Variants in CNPY1 observed in about 807,000 individuals in gnomAD.
CNPY1 encodes the protein protein canopy homolog 1.
A neutral mutation model predicts 14.4 loss-of-function variants in CNPY1; 14 were observed. That is an observed-to-expected ratio of 0.97 (90% CI 0.64 to 1.52). The LOEUF is 1.52. Among genes scored for constraint, CNPY1 ranks in the 40% most tolerant of loss-of-function variants. The pLI is 0.00. For synonymous variants in CNPY1, 43 were observed against 46.5 expected (o/e 0.92, Z 0.31); for missense variants, 129 against 131.5 (o/e 0.98, Z 0.09).
At chr7:155,526,167 AT>A (rs1318636523) in intron 2 of CNPY1, among the ~76,000 whole-genome samples, 1 of 152,176 alleles carries the variant, frequency 6.6e-6, no homozygotes, top group East Asian at 1.9e-4. Flanking sequence ...CTGATATCTT[AT>A]TTTTCCACAA....
chr7:155,540,323 TCTC>T (rs1797070011), intron 2 of CNPY1, among the ~76,000 whole-genome samples: 2 of 152,194 alleles, frequency 1.3e-5, no homozygotes, highest in Non-Finnish European at 2.9e-5. Flanking sequence ...GGGGTCTCGT[TCTC>T]CTCATCTTAG....
At chr7:155,539,685 C>T (rs1036921523) in intron 2 of CNPY1, among the ~76,000 whole-genome samples, 3 of 152,050 alleles carry the variant, frequency 2.0e-5, no homozygotes, top group Middle Eastern at 3.2e-3. Context: ...AACAGATTAA[C>T]GGGGGGAAAA....
intron 2 of CNPY1, among the ~76,000 whole-genome samples, chr7:155,530,390 C>A (rs1025859215): frequency 6.9e-6 from 1 of 144,202 alleles, no homozygotes; most frequent in Non-Finnish European, 1.5e-5. Context: ...GCCTTAAACT[C>A]CTGGGCCTAA....
chr7:155,519,562 TAAGA>T lies in CNPY1; in HGVS notation c.100-10469_100-10466del, dbSNP rs201581194. Among the ~76,000 whole-genome samples, 271 of 136,502 alleles carry T rather than the reference TAAGA, an allele frequency of 2.0e-3. 2 individuals carry two copies. The highest frequency in any genetic ancestry group is 7.6e-3 in the African/African-American group (224 of 29,610). 89.6% of individuals were successfully genotyped at this position (136,502 alleles called of 152,430 possible). Reference sequence around the variant, plus strand: ...ATAAATAAATAAATAAATAAATAAATAAGAAAGAAAGAAGAAAAATGGGTGCAAA... The same window carrying T: ...ATAAATAAATAAATAAATAAATAAATAAGAAAGAAGAAAAATGGGTGCAAA... On this transcript the variant is annotated intron_variant, in intron 2 of 4. Transcript: ENST00000636446.
chr7:155,526,394 A>G (rs141754803), intron 2 of CNPY1, among the ~76,000 whole-genome samples: 2 of 152,180 alleles, frequency 1.3e-5, no homozygotes, highest in Non-Finnish European at 2.9e-5. Context: ...GACATTCTCA[A>G]ACAAGACGGG....
intron 2 of CNPY1, among the ~76,000 whole-genome samples, chr7:155,519,772 T>G (rs1244081834): frequency 1.3e-5 from 2 of 152,172 alleles, no homozygotes; most frequent in Non-Finnish European, 2.9e-5. Context: ...TCCTGACAAA[T>G]CAAAGTGTCT....
At chr7:155,521,156 C>T (rs1252758102) in intron 2 of CNPY1, among the ~76,000 whole-genome samples, 1 of 152,136 alleles carries the variant, frequency 6.6e-6, no homozygotes, top group Non-Finnish European at 1.5e-5. Context: ...ATCTTAGTCC[C>T]GTATTCTTCC....
intron 2 of CNPY1, among the ~76,000 whole-genome samples, chr7:155,520,428 C>CTTTTT (rs71522007): frequency 4.0e-4 from 28 of 69,408 alleles, no homozygotes; most frequent in African/African-American, 5.0e-4. Context: ...TTCTTTCTTT[C>CTTTTT]TTTTTTTTTT....
Position 155,509,074 on chromosome 7 carries a change from C to G in CNPY1, c.123G>C (p.Ala41=). ...RRKIPLAQSE[A]FLTDLLEKVC... The stretch of plus-strand genomic sequence containing the variant: ...CTTTCTCCAAAAGATCCGTTAGGAA[C>G]GCCTCCGACTGAGCTAGGGGGATCT... Residue 41 remains alanine, a synonymous_variant, in exon 3 of 5, where the codon GCG becomes GCC. Coordinates refer to ENST00000636446, the MANE Select transcript of CNPY1 (RefSeq NM_001393663.1). 1 of 1,601,852 alleles carries G rather than the reference C, an allele frequency of 6.2e-7. No homozygotes were observed. Among genetic ancestry groups the G allele is most frequent in the South Asian group, 1.1e-5 (1 of 88,542 alleles).
intron 2 of CNPY1, among the ~76,000 whole-genome samples, chr7:155,516,752 C>T (rs1162056082): frequency 6.6e-6 from 1 of 152,170 alleles, no homozygotes; most frequent in African/African-American, 2.4e-5. Context: ...GTGCCATCCC[C>T]AGGAATGTCC....
intron 2 of CNPY1, among the ~76,000 whole-genome samples, chr7:155,530,380 G>A (rs568680629): frequency 1.5e-5 from 2 of 131,794 alleles, no homozygotes; most frequent in East Asian, 2.4e-4. Context: ...GCTCACTATC[G>A]CCTTAAACTC....
chr7:155,545,990 G>A, intron 1 of CNPY1, 47 bp from the exon 2 acceptor site: 1 of 398,584 alleles, frequency 2.5e-6, no homozygotes, highest in African/African-American at 2.1e-5. Flanking sequence ...AGGCGAGCCA[G>A]AGCCGGGCCT....
intron 4 of CNPY1, among the ~76,000 whole-genome samples, chr7:155,506,323 C>T (rs1270184022): frequency 6.6e-6 from 1 of 152,168 alleles, no homozygotes; most frequent in East Asian, 1.9e-4. Context: ...AAACAAGCAT[C>T]CAAGTTAGGG....
intron 2 of CNPY1, among the ~76,000 whole-genome samples, chr7:155,538,572 G>T (rs1797050058): frequency 6.6e-6 from 1 of 152,138 alleles, no homozygotes; most frequent in African/African-American, 2.4e-5. Flanking sequence ...CTTGGGTCTG[G>T]ATTGATCTGA....
At chr7:155,544,849 G>C (rs185249380) in intron 2 of CNPY1, among the ~76,000 whole-genome samples, 163 of 152,312 alleles carry the variant, frequency 1.1e-3, no homozygotes, top group African/African-American at 3.7e-3. Flanking sequence ...ACCCCTGAGA[G>C]CCCAGCCCTC....
chr7:155,506,488 G>GA (rs1796312957), intron 4 of CNPY1: 1 of 153,952 alleles, frequency 6.5e-6, no homozygotes, highest in Non-Finnish European at 1.4e-5. Flanking sequence ...CTCTGAGCCA[G>GA]AAAAAAATTT....
chr7:155,517,259 C>T lies in CNPY1; in HGVS notation c.100-8162G>A, dbSNP rs77218008. On this transcript the variant is annotated intron_variant, in intron 2 of 4. Coordinates refer to ENST00000636446, the MANE Select transcript of CNPY1 (RefSeq NM_001393663.1). ...GGAAGAGGACATTAGGAAACCGACA[C>T]GCACAGAGGGACGGCCATGTGAGGA... Among the ~76,000 whole-genome samples the T allele has an allele frequency of 3.2e-3, 492 of 152,210 alleles. 3 individuals are homozygous for T. Among genetic ancestry groups the T allele is most frequent in the African/African-American group, 0.012 (478 of 41,532 alleles).
At chr7:155,527,267 C>T (rs1044049054) in intron 2 of CNPY1, among the ~76,000 whole-genome samples, 37 of 151,108 alleles carry the variant, frequency 2.4e-4, no homozygotes, top group African/African-American at 7.8e-4. Flanking sequence ...TTTAAAACGT[C>T]GAAGCCAAAA....
chr7:155,542,657 C>G (rs889953), intron 2 of CNPY1, among the ~76,000 whole-genome samples: 1 of 152,238 alleles, frequency 6.6e-6, no homozygotes, highest in Non-Finnish European at 1.5e-5. Flanking sequence ...CCAAGACCCT[C>G]CCGCTGCTGA....
Sources: gnomAD v4.1 joint callset for allele counts (sites outside exome capture counted in the v4.1 genomes callset) on GRCh38, gnomAD v4.1.1 for gene constraint, MANE v1.5 for transcripts, NCBI Gene and HGNC (gene_info 2026-07-23, HGNC 2026-07-21) for gene names.